The following NOM1 variants were observed in gnomAD, a reference collection of about 807,000 sequenced individuals.
The protein encoded by NOM1 is nucleolar MIF4G domain-containing protein 1.
NOM1 carries 58 observed loss-of-function variants against 73.3 expected under a neutral mutation model. That is an observed-to-expected ratio of 0.79 (90% CI 0.64 to 0.99). NOM1 has a LOEUF of 0.99. NOM1 is among the 50% of genes least tolerant of loss of function. The probability of loss-of-function intolerance (pLI) is 0.00; values close to 1 mark genes in which losing one functional copy is unlikely to be tolerated. For synonymous variants in NOM1, 487 were observed against 446.8 expected (o/e 1.09, Z -1.14); for missense variants, 1,226 against 1,131.9 (o/e 1.08, Z -1.19).
chr7:156,951,850 G>A (rs1290896496), intron 1 of NOM1, among the ~76,000 whole-genome samples: 1 of 151,914 alleles, frequency 6.6e-6, no homozygotes, highest in Non-Finnish European at 1.5e-5. Flanking sequence ...GGGACTACAG[G>A]CGCCCACCAC....
Position 156,969,439 on chromosome 7 carries a change from T to C in NOM1, c.2409-90T>C, listed in dbSNP as rs1028440748. ...TGAGAATTTTATTTTTAAAAGAAAC[T>C]GGTTATGTCTCACTATGCGAGATAC... On this transcript the variant is annotated intron_variant, in intron 10 of 10. Transcript: ENST00000275820. 55 of 1,087,032 alleles carry C rather than the reference T, an allele frequency of 5.1e-5. No individual in the cohort carries two copies. In the African/African-American group the frequency reaches 7.9e-4, roughly 16 times the overall value. 67.3% of individuals were successfully genotyped at this position (1,087,032 alleles called of 1,614,324 possible).
At chr7:156,966,489 C>A in intron 8 of NOM1, 87 bp downstream of exon 8, 1 of 1,509,918 alleles carries the variant, frequency 6.6e-7, no homozygotes, top group Non-Finnish European at 9.1e-7. Context: ...CAAAGGAGTT[C>A]CCCAAGTCAG....
At chr7:156,961,940 T>C (rs3750133) in intron 4 of NOM1, among the ~76,000 whole-genome samples, 28,374 of 151,854 alleles carry the variant, frequency 0.19, 2,771 homozygotes, top group East Asian at 0.32. Context: ...CCACTTGACG[T>C]TGGGGGACAC....
chr7:156,962,521 G>C (rs1804891970), intron 5 of NOM1, among the ~76,000 whole-genome samples: 1 of 152,178 alleles, frequency 6.6e-6, no homozygotes, highest in Non-Finnish European at 1.5e-5. Flanking sequence ...TGCTAAACTT[G>C]GGCTGCACCA....
intron 9 of NOM1, among the ~76,000 whole-genome samples, chr7:156,967,812 T>C (rs1805037702): frequency 1.3e-5 from 2 of 152,076 alleles, no homozygotes; most frequent in Admixed American, 6.6e-5. Flanking sequence ...TGTGAGCCAG[T>C]GCGCCCAGCT....
At position 156,952,510 on chromosome 7, in the gene NOM1, C is replaced by T. The variant is rs1481966209; in HGVS notation, c.1024C>T (p.His342Tyr). The T allele has an allele frequency of 3.1e-6, 5 of 1,613,908 alleles. No homozygotes were observed. The East Asian group carries it at 1.1e-4, about 36-fold the overall frequency. Residue 342 changes from histidine (H) to tyrosine (Y), a missense_variant, in exon 2 of 11, where the codon CAT becomes TAT. Physicochemically the swap from His to Tyr is moderately conservative, Grantham distance 83. Coordinates refer to ENST00000275820, the MANE Select transcript of NOM1 (RefSeq NM_138400.2). ...CGSGEKYIPP[H>Y]VRQAEETVDF... ...AAGTGGTGAAAAGTACATCCCACCT[C>T]ATGTGAGGCAAGCTGAGGAGACAGT...
chr7:156,966,884 T>G, intron 8 of NOM1, 77 bp from the exon 9 acceptor site: 2 of 1,384,894 alleles, frequency 1.4e-6, no homozygotes, highest in Non-Finnish European at 2.0e-6. Context: ...GAAAATACCT[T>G]TAGGTTATGT....
rs143153161 is a variant in NOM1 at position 156,960,027 on chromosome 7, C to T, written c.1485C>T (p.Thr495=). 4.9e-5 allele frequency: 79 copies of T among 1,613,926 alleles called. 1 individual carries two copies. The African/African-American group carries it at 6.5e-4, about 13-fold the overall frequency. Residue 495 remains threonine, a synonymous_variant, in exon 4 of 11, where the codon ACC becomes ACT. Transcript: ENST00000275820. ...DILKKLIGTF[T]EKDIELILLM... ...TGAAAAAACTGATTGGAACTTTCACCGAAAAAGATATTGAACTGATCTTGT... is the reference window on the plus strand; with the variant it reads ...TGAAAAAACTGATTGGAACTTTCACTGAAAAAGATATTGAACTGATCTTGT...
chr7:156,969,057 C>T (rs9969350), intron 9 of NOM1, 30 bp from the exon 10 acceptor site: 628,725 of 1,250,150 alleles, frequency 0.5, 160,239 homozygotes, highest in Middle Eastern at 0.62. Context: ...ATCAGTGTAA[C>T]TTTATTTTTC....
At chr7:156,951,769 G>C (rs554391632) in intron 1 of NOM1, among the ~76,000 whole-genome samples, 30 of 151,718 alleles carry the variant, frequency 2.0e-4, no homozygotes, top group Admixed American at 5.9e-4. Flanking sequence ...GTAGAGTGGT[G>C]CAGTCTCCGC....
chr7:156,955,903 T>C (rs1023968039), intron 3 of NOM1, among the ~76,000 whole-genome samples: 6 of 152,116 alleles, frequency 3.9e-5, no homozygotes, highest in Non-Finnish European at 5.9e-5. Context: ...GATGCACATA[T>C]TTGCCGGCCG....
intron 4 of NOM1, among the ~76,000 whole-genome samples, chr7:156,960,819 T>C (rs1364413518): frequency 6.6e-6 from 1 of 152,030 alleles, no homozygotes; most frequent in Non-Finnish European, 1.5e-5. Context: ...AGGCATGAGG[T>C]GGTCGAAGTC....
rs1805014883 is a variant in NOM1 at position 156,967,011 on chromosome 7, G to C, written c.2217G>C (p.Leu739Phe). 8 of 1,613,078 alleles carry C rather than the reference G, an allele frequency of 5.0e-6. No individual in the cohort carries two copies. Among genetic ancestry groups the C allele is most frequent in the Non-Finnish European group, 6.8e-6 (8 of 1,179,712 alleles). ...IWDKFRDLEN[L>F]PATNFSNLVH... ...ACAAATTTCGGGACTTGGAAAACTT[G>C]CCAGCTACGAATTTCTCTAATTTGG... The change falls in exon 9 of 11, where the codon TTG becomes TTC. Residue 739 changes from leucine to phenylalanine, a missense_variant. Physicochemically the swap from Leu to Phe is conservative, Grantham distance 22. Coordinates refer to ENST00000275820, the MANE Select transcript of NOM1 (RefSeq NM_138400.2).
At chr7:156,962,118 G>A in intron 4 of NOM1, 33 bp from the exon 5 acceptor site, 2 of 1,576,752 alleles carry the variant, frequency 1.3e-6, no homozygotes, top group Non-Finnish European at 1.7e-6. Flanking sequence ...TGTTTGAAAT[G>A]ATGGACTTTC....
intron 9 of NOM1, among the ~76,000 whole-genome samples, 163 bp downstream of exon 9, chr7:156,967,255 CAT>C (rs150205735): frequency 3.9e-5 from 6 of 152,338 alleles, no homozygotes; most frequent in East Asian, 1.9e-4. Context: ...GCCAGACTAA[CAT>C]GTGCTACAAA....
At chr7:156,950,780 G>A in intron 1 of NOM1, 56 bp downstream of exon 1, 1 of 1,457,876 alleles carries the variant, frequency 6.9e-7, no homozygotes, top group Non-Finnish European at 9.2e-7. Flanking sequence ...TAACGGGACA[G>A]GGAATGGGGC....
intron 9 of NOM1, among the ~76,000 whole-genome samples, chr7:156,967,884 G>A (rs1470333583): frequency 6.6e-6 from 1 of 151,044 alleles, no homozygotes; most frequent in Non-Finnish European, 1.5e-5. Flanking sequence ...GGCTTGGATG[G>A]TGGGACCAAC....
intron 7 of NOM1, 174 bp downstream of exon 7, chr7:156,964,200 T>C (rs996882907): frequency 1.2e-5 from 6 of 507,812 alleles, no homozygotes; most frequent in Non-Finnish European, 2.0e-5. Flanking sequence ...TTAGTCGTCA[T>C]GTTCCTATTA....
intron 1 of NOM1, 71 bp from the exon 2 acceptor site, chr7:156,952,403 C>T (rs2134770351): frequency 2.0e-6 from 3 of 1,512,694 alleles, no homozygotes. Context: ...TTTAAATACA[C>T]ATATGGCAAA....
Sources: gnomAD v4.1 joint callset for allele counts (sites outside exome capture counted in the v4.1 genomes callset) on GRCh38, gnomAD v4.1.1 for gene constraint, MANE v1.5 for transcripts, NCBI Gene and HGNC (gene_info 2026-07-23, HGNC 2026-07-21) for gene names.